The following RHBDF2 variants were observed in gnomAD, a reference collection of about 807,000 sequenced individuals.
The protein encoded by RHBDF2 is rhomboid 5 homolog 2, also known as inactive rhomboid protein 2.
A neutral mutation model predicts 95.2 loss-of-function variants in RHBDF2; 38 were observed. The ratio of observed to expected loss-of-function variants is 0.40; its 90% CI spans 0.31 to 0.52. The LOEUF (loss-of-function observed/expected upper bound fraction) is 0.52. RHBDF2 is among the 20% of genes least tolerant of loss of function. The pLI, the probability that RHBDF2 is intolerant of heterozygous loss-of-function variation, is 0.56. For missense variants in RHBDF2, 863 were observed against 1,137.7 expected, an observed-to-expected ratio of 0.76 and a Z score of 3.47; for synonymous variants, 442 against 462.0, an observed-to-expected ratio of 0.96 and a Z score of 0.55.
rs2073695804 is a variant in RHBDF2 at position 76,474,367 on chromosome 17, C to T, written c.1464+6G>A. 1 of 1,611,426 alleles carries T rather than the reference C, an allele frequency of 6.2e-7. No homozygotes were observed. The highest frequency in any genetic ancestry group is 8.5e-7 in the Non-Finnish European group (1 of 1,179,046). ...GGCAGGGGTAGGAGGGAGGGCCTGC[C>T]CCCACCGAGCAGTCCTTCCGCTGGG... On this transcript the variant is annotated splice_donor_region_variant and intron_variant, in intron 12 of 18. Transcript: ENST00000675367.
At chr17:76,475,587 CT>C (rs1052462865) in intron 9 of RHBDF2, among the ~76,000 whole-genome samples, 164 of 144,862 alleles carry the variant, frequency 1.1e-3, no homozygotes, top group Middle Eastern at 3.5e-3. Context: ...CTTTTCTTTT[CT>C]TTTTTTTTTT....
rs2144014910 is a variant in RHBDF2 at position 76,471,699 on chromosome 17, G to T, written c.2418C>A (p.His806Gln). Residue 806 changes from histidine to glutamine, a missense_variant, in exon 19 of 19, where the codon CAC (histidine) becomes CAA (glutamine). Physicochemically the swap from His to Gln is conservative, Grantham distance 24. Transcript: ENST00000675367. ...IYPINWPWIE[H>Q]LTCFPFTSRF... ...GGCTGGTGAAGGGGAAGCAGGTGAG[G>T]TGCTCGATCCAGGGCCAGTTAATGG... 4 of 1,610,736 alleles carry T rather than the reference G, an allele frequency of 2.5e-6. No individual in the cohort carries two copies. The highest frequency in any genetic ancestry group is 1.3e-5 in the African/African-American group (1 of 75,022).
chr17:76,480,446 A>G (rs996077261), intron 3 of RHBDF2, among the ~76,000 whole-genome samples: 1 of 150,352 alleles, frequency 6.7e-6, no homozygotes, highest in Non-Finnish European at 1.5e-5. Context: ...GGGCAGTGGC[A>G]CCATCATAGC....
intron 7 of RHBDF2, 93 bp downstream of exon 7, chr17:76,477,564 C>T: frequency 7.1e-7 from 1 of 1,407,750 alleles, no homozygotes; most frequent in Non-Finnish European, 9.9e-7. Context: ...CTGGGTCCCT[C>T]AGGGGTTCCT....
rs2073551534 is a variant in RHBDF2, at chr17:76,471,360, G to C, written c.*273C>G. 1 of 474,690 alleles carries C rather than the reference G, an allele frequency of 2.1e-6. No individual in the cohort carries two copies. Among genetic ancestry groups the C allele is most frequent in the South Asian group, 3.1e-5 (1 of 31,946 alleles). 29.4% of individuals were successfully genotyped at this position (474,690 alleles called of 1,614,324 possible). Reference sequence around the variant, plus strand: ...GTCTCAGCAAGGAGCGGGATATTAGGAACTGAGACCCAAGACTCAGAGAGG... The same window carrying C: ...GTCTCAGCAAGGAGCGGGATATTAGCAACTGAGACCCAAGACTCAGAGAGG... On this transcript the variant is annotated 3_prime_UTR_variant, in exon 19 of 19. Transcript: ENST00000675367.
At chr17:76,475,002 C>A (rs1480995948) in intron 10 of RHBDF2, 28 bp downstream of exon 10, 1 of 1,533,308 alleles carries the variant, frequency 6.5e-7, no homozygotes, top group Admixed American at 1.9e-5. Flanking sequence ...AGGCTGGGAC[C>A]CCCAGCATGG....
intron 10 of RHBDF2, 97 bp from the exon 11 acceptor site, chr17:76,474,901 G>C (rs2073717600): frequency 6.5e-7 from 1 of 1,544,072 alleles, no homozygotes; most frequent in East Asian, 2.3e-5. Flanking sequence ...CCTCCAGGAA[G>C]GGGCCAGGCT....
At chr17:76,493,770 A>G (rs2074366575) in intron 1 of RHBDF2, among the ~76,000 whole-genome samples, 3 of 152,326 alleles carry the variant, frequency 2.0e-5, no homozygotes. Context: ...GCTTCAGCCC[A>G]CAGCTGCTGA....
chr17:76,491,290 C>G (rs1195715763), intron 1 of RHBDF2, among the ~76,000 whole-genome samples: 1 of 152,184 alleles, frequency 6.6e-6, no homozygotes, highest in African/African-American at 2.4e-5. Context: ...GCCTCCCTGT[C>G]CCAAGGCCAG....
chr17:76,481,337 T>G (rs1467472938), intron 3 of RHBDF2, 38 bp downstream of exon 3: 1 of 1,586,014 alleles, frequency 6.3e-7, no homozygotes, highest in Admixed American at 1.8e-5. Context: ...ATCTGTTACC[T>G]ACGGCAGAAC....
chr17:76,477,349 G>A, intron 7 of RHBDF2, 51 bp from the exon 8 acceptor site: 7 of 1,579,484 alleles, frequency 4.4e-6, no homozygotes, highest in Non-Finnish European at 6.0e-6. Flanking sequence ...CCCAAACACT[G>A]CCCCCCGGAA....
In RHBDF2 at chr17:76,471,578, C is replaced by G; in HGVS notation, c.*55G>C. 3 of 1,504,410 alleles carry G rather than the reference C, an allele frequency of 2.0e-6. No individual in the cohort carries two copies. Among genetic ancestry groups the G allele is most frequent in the Middle Eastern group, 2.1e-4 (1 of 4,686 alleles). The allele number at this position is 1,504,410 out of a possible 1,614,324, so 93.2% of individuals were successfully genotyped here. On this transcript the variant is annotated 3_prime_UTR_variant, in exon 19 of 19. Coordinates refer to ENST00000675367, the MANE Select transcript of RHBDF2 (RefSeq NM_001005498.4). ...AGAGAGCGCTCTGCAGAGGGCAGCC[C>G]TCGCAGGCAGACCCTGTTCCAGCAG... is the stretch of plus-strand genomic sequence containing the variant.
chr17:76,489,988 G>C (rs542810947), intron 1 of RHBDF2, among the ~76,000 whole-genome samples: 1 of 152,324 alleles, frequency 6.6e-6, no homozygotes, highest in East Asian at 1.9e-4. Context: ...AGGGAACTTG[G>C]TCCAGCATTC....
intron 2 of RHBDF2, among the ~76,000 whole-genome samples, chr17:76,484,456 G>A (rs1312194316): frequency 6.6e-6 from 1 of 151,826 alleles, no homozygotes; most frequent in Non-Finnish European, 1.5e-5. Context: ...CGAGACAGCA[G>A]CCATCTGAAC....
intron 1 of RHBDF2, among the ~76,000 whole-genome samples, chr17:76,495,694 T>C (rs959933056): frequency 1.3e-5 from 2 of 152,006 alleles, no homozygotes; most frequent in East Asian, 3.9e-4. Flanking sequence ...GCCGACGGCA[T>C]CCCTGGGCCC....
rs763765598 is a variant in RHBDF2 at position 76,473,001 on chromosome 17, T to C, written c.1910+4A>G. ...GGGTTCGGGGGCAGTGAGGAGCCTC[T>C]TACCCAGCATGTAGGAAGAGAGACA... On this transcript the variant is annotated splice_donor_region_variant and intron_variant, in intron 17 of 18. Transcript: ENST00000675367. 6.2e-7 allele frequency: 1 copy of C among 1,613,414 alleles called. No homozygotes were observed.
chr17:76,495,442 C>A (rs114984919), intron 1 of RHBDF2, among the ~76,000 whole-genome samples: 2,510 of 152,336 alleles, frequency 0.016, 61 homozygotes, highest in African/African-American at 0.053. Flanking sequence ...AACCACTGTG[C>A]GATCTTGGGC....
chr17:76,497,201 G>A (rs982305624), intron 1 of RHBDF2, among the ~76,000 whole-genome samples: 2 of 152,060 alleles, frequency 1.3e-5, no homozygotes, highest in African/African-American at 4.8e-5. Context: ...ACACGGGGGA[G>A]GCAGAGGAGA....
intron 2 of RHBDF2, among the ~76,000 whole-genome samples, chr17:76,483,555 G>A (rs1331227902): frequency 2.0e-5 from 3 of 152,208 alleles, no homozygotes; most frequent in Non-Finnish European, 2.9e-5. Flanking sequence ...AAAGTGCTGG[G>A]ATTACAGGTT....
Sources: allele counts gnomAD v4.1 joint callset (sites outside exome capture counted in the v4.1 genomes callset), GRCh38; gene constraint gnomAD v4.1.1; transcripts MANE v1.5; gene names NCBI Gene and HGNC (gene_info 2026-07-23, HGNC 2026-07-21).